NXPH1: variants seen among roughly 807,000 people sequenced by gnomAD.
NXPH1 encodes neurexophilin-1.
A neutral mutation model predicts 23.7 loss-of-function variants in NXPH1; 5 were observed. The observed-to-expected ratio is 0.21, with a 90% confidence interval of 0.11 to 0.44. NXPH1 has a LOEUF of 0.44. NXPH1 is among the 20% of genes least tolerant of loss of function. The pLI is 0.99. For synonymous variants in NXPH1, 144 were observed against 122.2 expected, an observed-to-expected ratio of 1.18 and a Z score of -1.18; for missense variants, 324 against 321.6, an observed-to-expected ratio of 1.01 and a Z score of -0.06.
At chr7:8,654,087 A>G (rs10226738) in intron 2 of NXPH1, among the ~76,000 whole-genome samples, 109,314 of 152,096 alleles carry the variant, frequency 0.72, 39,860 homozygotes, top group East Asian at 1. Flanking sequence ...GACAGCAGAA[A>G]TCTAAGACTT....
At chr7:8,437,449 C>A (rs765440341) in intron 2 of NXPH1, among the ~76,000 whole-genome samples, 7 of 152,092 alleles carry the variant, frequency 4.6e-5, no homozygotes, top group Non-Finnish European at 7.4e-5. Flanking sequence ...ACCCGCTTGC[C>A]CTTTTCCTCT....
chr7:8,499,482 A>T (rs945020918), intron 2 of NXPH1, among the ~76,000 whole-genome samples: 9 of 152,100 alleles, frequency 5.9e-5, no homozygotes, highest in African/African-American at 1.9e-4. Context: ...GGATTTGGAA[A>T]TTAGCAAGAA....
intron 2 of NXPH1, among the ~76,000 whole-genome samples, chr7:8,648,299 A>T (rs2115149465): frequency 6.6e-6 from 1 of 152,134 alleles, no homozygotes; most frequent in South Asian, 2.1e-4. Context: ...ACTCCCACCT[A>T]CACCCAATCC....
intron 2 of NXPH1, among the ~76,000 whole-genome samples, chr7:8,558,187 A>G (rs1418950631): frequency 2.0e-5 from 3 of 151,632 alleles, no homozygotes; most frequent in African/African-American, 4.8e-5. Flanking sequence ...TTTATTATCT[A>G]TCAGCTTTCA....
intron 2 of NXPH1, among the ~76,000 whole-genome samples, chr7:8,492,038 A>G (rs1337196494): frequency 6.6e-6 from 1 of 152,010 alleles, no homozygotes; most frequent in East Asian, 1.9e-4. Flanking sequence ...AGAGGTATCG[A>G]TCTTTTTCTG....
At chr7:8,474,532 T>A (rs1816934581) in intron 2 of NXPH1, among the ~76,000 whole-genome samples, 4 of 152,020 alleles carry the variant, frequency 2.6e-5, no homozygotes, top group Admixed American at 2.6e-4. Context: ...CACATCTAAT[T>A]AACACATACC....
chr7:8,624,092 G>T (rs1819938524), intron 2 of NXPH1, among the ~76,000 whole-genome samples: 1 of 152,150 alleles, frequency 6.6e-6, no homozygotes, highest in African/African-American at 2.4e-5. Flanking sequence ...TAAAGGAGAA[G>T]CAGTGTGAGT....
At chr7:8,667,474 T>TA (rs1361551080) in intron 2 of NXPH1, among the ~76,000 whole-genome samples, 6 of 145,444 alleles carry the variant, frequency 4.1e-5, no homozygotes, top group African/African-American at 1.5e-4. Context: ...TTTTTTTTTT[T>TA]CTCCGCAGCA....
At chr7:8,640,137 T>C (rs1188760942) in intron 2 of NXPH1, among the ~76,000 whole-genome samples, 2 of 152,178 alleles carry the variant, frequency 1.3e-5, no homozygotes, top group African/African-American at 2.4e-5. Flanking sequence ...TTTTACTCCA[T>C]AGGAATTATT....
intron 2 of NXPH1, among the ~76,000 whole-genome samples, chr7:8,569,614 T>A (rs879620345): frequency 6.6e-6 from 1 of 151,856 alleles, no homozygotes; most frequent in African/African-American, 2.4e-5. Context: ...TGAAGCTGGA[T>A]GATGGGTCTA....
chr7:8,633,356 A>T (rs1484773868), intron 2 of NXPH1, among the ~76,000 whole-genome samples: 1 of 152,208 alleles, frequency 6.6e-6, no homozygotes, highest in African/African-American at 2.4e-5. Context: ...TGAACCCAGG[A>T]GGCGGAGATT....
At chr7:8,465,471 G>C (rs1260980450) in intron 2 of NXPH1, among the ~76,000 whole-genome samples, 1 of 152,102 alleles carries the variant, frequency 6.6e-6, no homozygotes, top group Non-Finnish European at 1.5e-5. Context: ...GAGTTGGGAA[G>C]GATTGTATGT....
At chr7:8,581,070 C>G (rs1248557500) in intron 2 of NXPH1, among the ~76,000 whole-genome samples, 1 of 152,188 alleles carries the variant, frequency 6.6e-6, no homozygotes, top group African/African-American at 2.4e-5. Context: ...CCTTCCACCT[C>G]TACCATTCTA....
intron 2 of NXPH1, among the ~76,000 whole-genome samples, chr7:8,593,136 C>G (rs1369577205): frequency 6.6e-6 from 1 of 151,794 alleles, no homozygotes; most frequent in East Asian, 1.9e-4. Context: ...AATTTTAGTC[C>G]CTAAGCAGAT....
chr7:8,461,747 G>A (rs940341501), intron 2 of NXPH1, among the ~76,000 whole-genome samples: 5 of 149,464 alleles, frequency 3.3e-5, no homozygotes, highest in South Asian at 4.3e-4. Context: ...GGAGAATGGC[G>A]TGAACCCGGG....
intron 2 of NXPH1, among the ~76,000 whole-genome samples, chr7:8,454,628 C>G (rs1006517187): frequency 3.9e-5 from 6 of 152,126 alleles, no homozygotes; most frequent in Non-Finnish European, 5.9e-5. Flanking sequence ...CTTTCCTCCT[C>G]TATGATATAC....
intron 2 of NXPH1, among the ~76,000 whole-genome samples, chr7:8,498,134 G>A (rs892515038): frequency 6.6e-6 from 1 of 151,808 alleles, no homozygotes; most frequent in Admixed American, 6.6e-5. Context: ...AAACCATGAA[G>A]CATTGTACAC....
intron 2 of NXPH1, among the ~76,000 whole-genome samples, chr7:8,548,545 C>A (rs1288432592): frequency 1.3e-5 from 2 of 151,474 alleles, no homozygotes; most frequent in Non-Finnish European, 3.0e-5. Flanking sequence ...GATATTCAGA[C>A]TTTTGGGTAG....
intron 2 of NXPH1, among the ~76,000 whole-genome samples, chr7:8,527,927 GCTAT>G (rs1817891117): frequency 6.6e-6 from 1 of 152,208 alleles, no homozygotes; most frequent in South Asian, 2.1e-4. Flanking sequence ...CCCGTGACAT[GCTAT>G]CTATTTCTAA....
Sources: allele counts gnomAD v4.1 joint callset (sites outside exome capture counted in the v4.1 genomes callset), GRCh38; gene constraint gnomAD v4.1.1; transcripts MANE v1.5; gene names NCBI Gene and HGNC (gene_info 2026-07-23, HGNC 2026-07-21).